Variants in RBFOX1 observed in about 807,000 individuals in gnomAD.
The protein encoded by RBFOX1 is RNA binding protein fox-1 homolog 1.
Under a neutral mutation model 57.7 loss-of-function variants are expected in RBFOX1, and 8 were observed. The observed-to-expected ratio is 0.14, with a 90% CI of 0.08 to 0.25. RBFOX1 has a LOEUF of 0.25. Ranked by LOEUF, RBFOX1 falls within the 10% of genes least tolerant of loss-of-function variation. RBFOX1 has a pLI of 1.00. For synonymous variants in RBFOX1, 326 were observed against 222.4 expected, an observed-to-expected ratio of 1.47 and a Z score of -4.15; for missense variants, 611 against 548.5, an observed-to-expected ratio of 1.11 and a Z score of -1.14.
At chr16:5,935,657 A>G (rs1171495955) in intron 4 of RBFOX1, among the ~76,000 whole-genome samples, 1 of 152,184 alleles carries the variant, frequency 6.6e-6, no homozygotes, top group Non-Finnish European at 1.5e-5. Flanking sequence ...AGCTGACCCT[A>G]GGAAGGGCGG....
rs565129818 is a variant in RBFOX1 at position 7,523,584 on chromosome 16, A to T, written c.270+5195A>T. ...GCTGTCTACTCTGTCTTCTCCAGCA[A>T]TGTTTGGATGGTACACACTCTTAGA... is the stretch of plus-strand genomic sequence containing the variant. On this transcript the variant is annotated intron_variant, in intron 5 of 15. Coordinates refer to ENST00000550418, the MANE Select transcript of RBFOX1 (RefSeq NM_018723.4). Among the ~76,000 whole-genome samples, 57 of 152,238 alleles carry T rather than the reference A, an allele frequency of 3.7e-4. 2 individuals carry two copies. The South Asian group carries it at 0.012, about 32-fold the overall frequency.
At chr16:6,643,667 C>A (rs921829762) in intron 2 of RBFOX1, among the ~76,000 whole-genome samples, 1 of 152,036 alleles carries the variant, frequency 6.6e-6, no homozygotes, top group Non-Finnish European at 1.5e-5. Flanking sequence ...GCTCGTAGAC[C>A]AGATGGATTT....
intron 3 of RBFOX1, among the ~76,000 whole-genome samples, chr16:5,745,781 A>G (rs1338886537): frequency 6.6e-6 from 1 of 151,922 alleles, no homozygotes; most frequent in Non-Finnish European, 1.5e-5. Flanking sequence ...CCACTTTTTG[A>G]TGGGGTTGTT....
chr16:7,547,182 TC>T (rs2084803583), intron 5 of RBFOX1, among the ~76,000 whole-genome samples: 1 of 152,214 alleles, frequency 6.6e-6, no homozygotes, highest in Non-Finnish European at 1.5e-5. Context: ...ATAAATACTT[TC>T]TTATAAGGCC....
chr16:5,559,354 C>T (rs2045803049), intron 2 of RBFOX1, among the ~76,000 whole-genome samples: 1 of 152,064 alleles, frequency 6.6e-6, no homozygotes, highest in Admixed American at 6.6e-5. Context: ...ATGTGGAAGC[C>T]ATTTGTTTTG....
intron 3 of RBFOX1, among the ~76,000 whole-genome samples, chr16:6,804,965 T>G (rs79553379): frequency 6.6e-6 from 1 of 152,176 alleles, no homozygotes; most frequent in Non-Finnish European, 1.5e-5. Flanking sequence ...TAGTTCATTG[T>G]GAAAAGCACT....
At chr16:7,480,095 G>T (rs1222222848) in intron 4 of RBFOX1, among the ~76,000 whole-genome samples, 1 of 152,170 alleles carries the variant, frequency 6.6e-6, no homozygotes, top group African/African-American at 2.4e-5. Flanking sequence ...TGATTATCAT[G>T]TTCTTAAAGA....
intron 2 of RBFOX1, among the ~76,000 whole-genome samples, chr16:6,419,572 G>C (rs555406166): frequency 2.0e-5 from 3 of 152,178 alleles, no homozygotes; most frequent in South Asian, 2.1e-4. Flanking sequence ...AGAATGAAAA[G>C]GTAGAGTGGG....
intron 2 of RBFOX1, among the ~76,000 whole-genome samples, chr16:6,649,065 A>G (rs1347088305): frequency 6.6e-6 from 1 of 152,106 alleles, no homozygotes; most frequent in Non-Finnish European, 1.5e-5. Context: ...CTCCTGTCTC[A>G]CTGAAATTTT....
intron 2 of RBFOX1, among the ~76,000 whole-genome samples, chr16:6,403,176 C>A (rs528913386): frequency 6.6e-5 from 10 of 152,004 alleles, no homozygotes; most frequent in African/African-American, 1.9e-4. Context: ...ATTGTTAGAA[C>A]TACAGACTTG....
At chr16:5,761,127 G>A (rs2053576522) in intron 3 of RBFOX1, among the ~76,000 whole-genome samples, 1 of 152,152 alleles carries the variant, frequency 6.6e-6, no homozygotes. Context: ...AGATGAAGGG[G>A]TAGTGTTTCA....
intron 2 of RBFOX1, among the ~76,000 whole-genome samples, chr16:6,609,178 T>C (rs955396439): frequency 3.3e-5 from 5 of 152,164 alleles, no homozygotes; most frequent in Admixed American, 3.3e-4. Flanking sequence ...AGGACAGACA[T>C]GGACATCTTT....
chr16:5,501,318 C>CAAAAA (rs1160788118), intron 2 of RBFOX1, among the ~76,000 whole-genome samples: 904 of 64,814 alleles, frequency 0.014, 34 homozygotes, highest in Non-Finnish European at 0.022. Flanking sequence ...ACTCTGTCTA[C>CAAAAA]AAAAAAAAAA....
chr16:6,553,102 C>T (rs892045420), intron 2 of RBFOX1, among the ~76,000 whole-genome samples: 5 of 152,102 alleles, frequency 3.3e-5, no homozygotes, highest in South Asian at 2.1e-4. Context: ...CCCGTGGAAA[C>T]GTCCCTAGGT....
intron 2 of RBFOX1, among the ~76,000 whole-genome samples, chr16:6,392,455 C>G (rs2092647002): frequency 6.6e-6 from 1 of 152,102 alleles, no homozygotes; most frequent in South Asian, 2.1e-4. Context: ...TTATGTATTT[C>G]TATCTCTGGA....
chr16:6,896,140 G>GT (rs1484681434), intron 3 of RBFOX1, among the ~76,000 whole-genome samples: 3 of 152,084 alleles, frequency 2.0e-5, no homozygotes, highest in Non-Finnish European at 4.4e-5. Context: ...GGCATTGGTG[G>GT]TGGGTGTCTG....
intron 4 of RBFOX1, among the ~76,000 whole-genome samples, chr16:5,878,259 A>G (rs1274016479): frequency 6.6e-6 from 1 of 152,210 alleles, no homozygotes; most frequent in Non-Finnish European, 1.5e-5. Context: ...TTATAGCGGC[A>G]GCAGTGAGAA....
chr16:7,589,843 CT>C (rs779914927), intron 7 of RBFOX1, among the ~76,000 whole-genome samples: 7 of 151,520 alleles, frequency 4.6e-5, no homozygotes, highest in Non-Finnish European at 8.8e-5. Flanking sequence ...AGGAACTCAC[CT>C]TCTTGCCTTT....
intron 5 of RBFOX1, among the ~76,000 whole-genome samples, chr16:7,551,188 C>A (rs189565259): frequency 6.6e-6 from 1 of 151,714 alleles, no homozygotes; most frequent in East Asian, 2.0e-4. Context: ...CCTTAAAGAA[C>A]TTTTAAAAAG....
Sources: gnomAD v4.1 joint callset for allele counts (sites outside exome capture counted in the v4.1 genomes callset) on GRCh38, gnomAD v4.1.1 for gene constraint, MANE v1.5 for transcripts, NCBI Gene and HGNC (gene_info 2026-07-23, HGNC 2026-07-21) for gene names.